ABLIM1: variants seen among roughly 807,000 people sequenced by gnomAD.
ABLIM1 encodes the protein actin binding LIM protein 1, also known as actin-binding LIM protein 1.
A neutral mutation model predicts 107.0 loss-of-function variants in ABLIM1; 40 were observed. That is an observed-to-expected ratio of 0.37 (90% CI 0.29 to 0.49). ABLIM1 has a LOEUF of 0.49. Among genes scored for constraint, ABLIM1 ranks in the 20% least tolerant of loss-of-function variants. ABLIM1 has a pLI of 0.97. For synonymous variants in ABLIM1, 357 were observed against 357.3 expected (o/e 1.00, Z 0.01); for missense variants, 857 against 1,008.5 (o/e 0.85, Z 2.04).
chr10:114,751,246 T>C (rs1245271549), intron 1 of ABLIM1, among the ~76,000 whole-genome samples: 2 of 152,004 alleles, frequency 1.3e-5, no homozygotes, highest in Non-Finnish European at 2.9e-5. Context: ...TCTAGTCCTT[T>C]CTACTCCATA....
chr10:114,789,212 A>G, the ABLIM1 span, among the ~76,000 whole-genome samples: 7,807 of 151,838 alleles, frequency 0.051, 661 homozygotes, highest in African/African-American at 0.18. Flanking sequence ...CCGAGATCAT[A>G]CCACTGCACT....
intron 1 of ABLIM1, among the ~76,000 whole-genome samples, chr10:114,610,313 C>T (rs1383499201): frequency 3.3e-5 from 5 of 152,212 alleles, no homozygotes; most frequent in Middle Eastern, 3.2e-3. Context: ...GATTGGAAAT[C>T]TCTCTCTGGT....
chr10:114,650,526 A>T (rs1002381511), intron 1 of ABLIM1, among the ~76,000 whole-genome samples: 4 of 152,202 alleles, frequency 2.6e-5, no homozygotes, highest in Non-Finnish European at 5.9e-5. Flanking sequence ...TCATGTGAAA[A>T]TAGTTACTTG....
chr10:114,624,506 A>G (rs2077664742), intron 1 of ABLIM1, among the ~76,000 whole-genome samples: 1 of 152,210 alleles, frequency 6.6e-6, no homozygotes, highest in Non-Finnish European at 1.5e-5. Flanking sequence ...CTGGCATGGG[A>G]AAGGCAAGAA....
chr10:114,712,174 GA>G (rs2081563544), intron 1 of ABLIM1, among the ~76,000 whole-genome samples: 1 of 151,908 alleles, frequency 6.6e-6, no homozygotes, highest in African/African-American at 2.4e-5. Context: ...CCAACATGGT[GA>G]AACCTGATCT....
intron 1 of ABLIM1, among the ~76,000 whole-genome samples, chr10:114,767,815 G>C (rs750428941): frequency 3.9e-5 from 6 of 152,158 alleles, no homozygotes; most frequent in Non-Finnish European, 8.8e-5. Flanking sequence ...CAGCCCAGAC[G>C]CGCGGCGGGC....
chr10:114,567,462 A>G (rs1261123683), intron 4 of ABLIM1, among the ~76,000 whole-genome samples: 1 of 152,250 alleles, frequency 6.6e-6, no homozygotes, highest in African/African-American at 2.4e-5. Context: ...CTGATATATC[A>G]TAAGTACTAT....
At chr10:114,762,442 T>C (rs569852577) in intron 1 of ABLIM1, among the ~76,000 whole-genome samples, 50 of 152,348 alleles carry the variant, frequency 3.3e-4, no homozygotes, top group African/African-American at 1.1e-3. Flanking sequence ...TAACAATTAT[T>C]CAATAAATGT....
At chr10:114,438,070 G>A in intron 21 of ABLIM1, 146 bp from the exon 22 acceptor site, 2 of 709,706 alleles carry the variant, frequency 2.8e-6, no homozygotes, top group Non-Finnish European at 4.7e-6. Flanking sequence ...CTTCTGCAAG[G>A]CCAGTGGAAG....
intron 1 of ABLIM1, among the ~76,000 whole-genome samples, chr10:114,605,223 T>A (rs570138411): frequency 6.6e-6 from 1 of 152,334 alleles, no homozygotes; most frequent in African/African-American, 2.4e-5. Flanking sequence ...GGAATATCTC[T>A]CCTTTTCCAA....
intron 1 of ABLIM1, among the ~76,000 whole-genome samples, chr10:114,614,093 G>A (rs919162428): frequency 7.9e-5 from 12 of 152,138 alleles, no homozygotes; most frequent in African/African-American, 2.4e-4. Flanking sequence ...GGACTGGGAG[G>A]AGAAGGGAGA....
chr10:114,462,816 C>T (rs1277872675), intron 12 of ABLIM1, among the ~76,000 whole-genome samples: 1 of 151,840 alleles, frequency 6.6e-6, no homozygotes, highest in Non-Finnish European at 1.5e-5. Context: ...TGGTCTTAAA[C>T]ATACTTCCTG....
At chr10:114,545,611 T>A (rs1408302898) in intron 5 of ABLIM1, among the ~76,000 whole-genome samples, 1 of 152,154 alleles carries the variant, frequency 6.6e-6, no homozygotes. Flanking sequence ...TGTTAATGTA[T>A]ATAATACATA....
intron 10 of ABLIM1, among the ~76,000 whole-genome samples, chr10:114,468,527 G>A (rs763496601): frequency 2.2e-4 from 33 of 152,006 alleles, no homozygotes; most frequent in Non-Finnish European, 4.4e-4. Flanking sequence ...GCCCCCCTTA[G>A]CCTCCCAAAG....
Position 114,448,019 on chromosome 10 carries a change from A to G in ABLIM1, c.1596T>C (p.Ala532=). Residue 532 remains alanine, a splice_region_variant and synonymous_variant, in exon 15 of 23, where the codon GCT becomes GCC. Coordinates refer to ENST00000533213, the MANE Select transcript of ABLIM1 (RefSeq NM_002313.7). ...YRKPPIYKQH[A]ALAAQSKSSE... ...AGGACTTGCTCTGGGCTGCCAAGGCAGCTGCATCTAGATGGGAATCAGGGG... is the reference window on the plus strand; with the variant it reads ...AGGACTTGCTCTGGGCTGCCAAGGCGGCTGCATCTAGATGGGAATCAGGGG... 2 of 1,614,114 alleles carry G rather than the reference A, an allele frequency of 1.2e-6. No individual in the cohort carries two copies. Among genetic ancestry groups the G allele is most frequent in the Non-Finnish European group, 1.7e-6 (2 of 1,179,980 alleles).
the ABLIM1 span, among the ~76,000 whole-genome samples, chr10:114,787,678 G>A: frequency 5.2e-3 from 517 of 100,216 alleles, 9 homozygotes; most frequent in African/African-American, 0.016. Flanking sequence ...CCCTCTGCCC[G>A]GCCAGCCACC....
At chr10:114,674,318 A>C (rs1052640124) in intron 1 of ABLIM1, among the ~76,000 whole-genome samples, 1 of 151,986 alleles carries the variant, frequency 6.6e-6, no homozygotes, top group African/African-American at 2.4e-5. Flanking sequence ...TTAATTAATT[A>C]AAAAGAAGAG....
upstream of ABLIM1, among the ~76,000 whole-genome samples, chr10:114,662,459 G>A (rs377694642): frequency 4.1e-4 from 63 of 152,158 alleles, no homozygotes; most frequent in African/African-American, 1.3e-3. Flanking sequence ...CCTGCTCCCC[G>A]TAAGTCCTAA....
chr10:114,712,108 G>T (rs181944819), intron 1 of ABLIM1, among the ~76,000 whole-genome samples: 1 of 152,116 alleles, frequency 6.6e-6, no homozygotes, highest in East Asian at 1.9e-4. Flanking sequence ...ATCCCAGCAC[G>T]TTGGGAGGCC....
Sources: gnomAD v4.1 joint callset for allele counts (sites outside exome capture counted in the v4.1 genomes callset) on GRCh38, gnomAD v4.1.1 for gene constraint, MANE v1.5 for transcripts, NCBI Gene and HGNC (gene_info 2026-07-23, HGNC 2026-07-21) for gene names.